TMX4: variants seen among roughly 807,000 people sequenced by gnomAD.
TMX4 encodes the protein thioredoxin related transmembrane protein 4.
TMX4 carries 23 observed loss-of-function variants against 33.3 expected under a neutral mutation model. The observed-to-expected ratio is 0.69, with a 90% CI of 0.50 to 0.98. The LOEUF is 0.98. Ranked by LOEUF, TMX4 falls within the 50% of genes least tolerant of loss-of-function variation. TMX4 has a pLI of 0.00. For synonymous variants in TMX4, 164 were observed against 161.5 expected (o/e 1.02, Z -0.12); for missense variants, 399 against 448.9 (o/e 0.89, Z 1.01).
chr20:7,982,322 G>T lies in TMX4; in HGVS notation c.979C>A (p.Pro327Thr). ...TCTTCCACCACCTCTGTGTCAGCTG[G>T]GCAGGGTTGCTCAGAGATGCCTTCT... Reference protein sequence around the residue: ...AEEGISEQPCPADTEVVEDSL... With the variant: ...AEEGISEQPCTADTEVVEDSL... The change falls in exon 8 of 8, where the codon CCA (proline) becomes ACA (threonine). Residue 327 changes from proline to threonine, a missense_variant. By Grantham distance (38) the Pro-to-Thr change is conservative. Coordinates refer to ENST00000246024, the MANE Select transcript of TMX4 (RefSeq NM_021156.4). 1 of 1,614,026 alleles carries T rather than the reference G, an allele frequency of 6.2e-7. No individual in the cohort carries two copies.
At chr20:7,986,482 G>C (rs2050631366) in intron 6 of TMX4, among the ~76,000 whole-genome samples, 1 of 152,088 alleles carries the variant, frequency 6.6e-6, no homozygotes, top group Non-Finnish European at 1.5e-5. Context: ...TCTGTTCTTT[G>C]ACATAAATTT....
chr20:8,019,435 C>A lies in TMX4; in HGVS notation c.176+3G>T. ...GGCGTCCGGGGCGGGCGGGCACACT[C>A]ACAATTTCAGCATCCACTCGCCCTC... On this transcript the variant is annotated splice_donor_region_variant and intron_variant, in intron 1 of 7. Transcript: ENST00000246024. 2 of 1,515,896 alleles carry A rather than the reference C, an allele frequency of 1.3e-6. No individual in the cohort carries two copies. The highest frequency in any genetic ancestry group is 1.8e-6 in the Non-Finnish European group (2 of 1,131,306). 93.9% of individuals were successfully genotyped at this position (1,515,896 alleles called of 1,614,324 possible).
intron 3 of TMX4, among the ~76,000 whole-genome samples, chr20:8,000,276 AC>A (rs1262915507): frequency 1.3e-5 from 2 of 151,766 alleles, no homozygotes; most frequent in Non-Finnish European, 1.5e-5. Flanking sequence ...AAAACGTCAT[AC>A]CCCCCTTCAA....
At chr20:8,010,466 A>G (rs1033527897) in intron 1 of TMX4, 151 bp from the exon 2 acceptor site, 1 of 470,970 alleles carries the variant, frequency 2.1e-6, no homozygotes, top group East Asian at 3.9e-5. Flanking sequence ...AGAAAAACAG[A>G]AGCACATTGT....
At chr20:7,987,202 G>A (rs891473350) in intron 6 of TMX4, 86 bp downstream of exon 6, 3 of 949,486 alleles carry the variant, frequency 3.2e-6, no homozygotes, top group East Asian at 2.7e-5. Context: ...TATTTTTTAT[G>A]TGCTTTTTCT....
intron 1 of TMX4, among the ~76,000 whole-genome samples, chr20:8,014,396 G>T (rs1463018399): frequency 6.6e-6 from 1 of 152,172 alleles, no homozygotes; most frequent in Admixed American, 6.5e-5. Context: ...TGATATGCTT[G>T]AAGAAGTGCC....
At chr20:8,002,516 G>C (rs1260390749) in intron 2 of TMX4, among the ~76,000 whole-genome samples, 1 of 152,092 alleles carries the variant, frequency 6.6e-6, no homozygotes, top group African/African-American at 2.4e-5. Context: ...CCAAGAATAA[G>C]TAAAGAGAAT....
Position 7,982,094 on chromosome 20 carries a change from T to C in TMX4, c.*157A>G. ...CACACCTGGAAGACTCTCCTTAGTA[T>C]ACATGAGGCTTACTGCCATGAGACC... On this transcript the variant is annotated 3_prime_UTR_variant, in exon 8 of 8. Coordinates refer to ENST00000246024, the MANE Select transcript of TMX4 (RefSeq NM_021156.4). The C allele has an allele frequency of 1.4e-6, 1 of 702,606 alleles. No homozygotes were observed. Among genetic ancestry groups the C allele is most frequent in the South Asian group, 1.9e-5 (1 of 51,614 alleles). The allele number at this position is 702,606 out of a possible 1,614,324, so 43.5% of individuals were successfully genotyped here. A position where few individuals can be genotyped will look rare whatever the true frequency, so the allele number is the denominator to read the frequency against.
chr20:8,013,934 C>T (rs897409382), intron 1 of TMX4: 2 of 152,166 alleles, frequency 1.3e-5, no homozygotes, highest in African/African-American at 2.4e-5. Context: ...TCAGAATACT[C>T]AGCAACAATG....
intron 6 of TMX4, among the ~76,000 whole-genome samples, chr20:7,985,747 C>T (rs2050628610): frequency 6.6e-6 from 1 of 152,042 alleles, no homozygotes; most frequent in African/African-American, 2.4e-5. Context: ...GAAGGGTAGT[C>T]TATCTCACTT....
At chr20:8,015,244 T>G (rs1223078603) in intron 1 of TMX4, among the ~76,000 whole-genome samples, 1 of 152,222 alleles carries the variant, frequency 6.6e-6, no homozygotes, top group Non-Finnish European at 1.5e-5. Flanking sequence ...TTCGCATGTT[T>G]TTAAATACCC....
At position 7,999,868 on chromosome 20, in the gene TMX4, T is replaced by C; in HGVS notation, c.339-8A>G. On this transcript the variant is annotated splice_polypyrimidine_tract_variant and splice_region_variant and intron_variant, in intron 3 of 7. Coordinates refer to ENST00000246024, the MANE Select transcript of TMX4 (RefSeq NM_021156.4). ...AATATCCCATCCTTTGCACTATAAA[T>C]TATGAAAACAAGTAGAAAGCAAATG... The C allele has an allele frequency of 1.9e-6, 3 of 1,598,326 alleles. No homozygotes were observed. Among genetic ancestry groups the C allele is most frequent in the Non-Finnish European group, 2.6e-6 (3 of 1,175,840 alleles).
At chr20:8,012,247 A>C (rs1277431853) in intron 1 of TMX4, among the ~76,000 whole-genome samples, 1 of 152,154 alleles carries the variant, frequency 6.6e-6, no homozygotes, top group Non-Finnish European at 1.5e-5. Flanking sequence ...TCCATGCCTC[A>C]GTTTCCTCAA....
chr20:8,016,724 G>C (rs552759170), intron 1 of TMX4, among the ~76,000 whole-genome samples: 44 of 152,214 alleles, frequency 2.9e-4, no homozygotes, highest in African/African-American at 1.0e-3. Context: ...AAAATTCCCA[G>C]ATGAAAGAGC....
At chr20:8,005,334 G>A (rs1462805295) in intron 2 of TMX4, among the ~76,000 whole-genome samples, 1 of 152,176 alleles carries the variant, frequency 6.6e-6, no homozygotes, top group Non-Finnish European at 1.5e-5. Context: ...CCTGATCTAC[G>A]CAGTATTAAA....
intron 2 of TMX4, among the ~76,000 whole-genome samples, chr20:8,008,342 C>T (rs2050738945): frequency 6.6e-6 from 1 of 151,948 alleles, no homozygotes; most frequent in Non-Finnish European, 1.5e-5. Flanking sequence ...CTACAGAATA[C>T]CAGAAGTTTT....
chr20:8,015,392 A>G (rs967150739), intron 1 of TMX4, among the ~76,000 whole-genome samples: 1 of 152,218 alleles, frequency 6.6e-6, no homozygotes, highest in African/African-American at 2.4e-5. Context: ...AAGGTTCTGC[A>G]ACACGTGGGC....
chr20:8,010,115 ACT>A (rs1831762400), intron 2 of TMX4, 83 bp downstream of exon 2: 2 of 1,129,110 alleles, frequency 1.8e-6, no homozygotes, highest in Non-Finnish European at 2.6e-6. Flanking sequence ...AATATCCCAG[ACT>A]CTCAACTTTT....
intron 6 of TMX4, among the ~76,000 whole-genome samples, chr20:7,985,268 TATATATATA>T (rs1476588337): frequency 3.6e-4 from 38 of 104,144 alleles, no homozygotes; most frequent in Middle Eastern, 8.8e-3. Flanking sequence ...TATATATATA[TATATATATA>T]TTTTTTTTTT....
Sources: gnomAD v4.1 joint callset for allele counts (sites outside exome capture counted in the v4.1 genomes callset) on GRCh38, gnomAD v4.1.1 for gene constraint, MANE v1.5 for transcripts, NCBI Gene and HGNC (gene_info 2026-07-23, HGNC 2026-07-21) for gene names.